WWC2: variants seen among roughly 807,000 people sequenced by gnomAD.
WWC2 encodes WW and C2 domain containing 2.
Under a neutral mutation model 138.5 loss-of-function variants are expected in WWC2, and 101 were observed. That is an observed-to-expected ratio of 0.73 (90% CI 0.62 to 0.86). The LOEUF is 0.86. Ranked by LOEUF, WWC2 falls within the 40% of genes least tolerant of loss-of-function variation. WWC2 has a pLI of 0.00. For missense variants in WWC2, 1,420 were observed against 1,419.4 expected, an observed-to-expected ratio of 1.00 and a Z score of -0.01; for synonymous variants, 558 against 538.4, an observed-to-expected ratio of 1.04 and a Z score of -0.50.
intron 22 of WWC2, among the ~76,000 whole-genome samples, chr4:183,313,540 G>A (rs1739335701): frequency 6.6e-6 from 1 of 152,096 alleles, no homozygotes; most frequent in Non-Finnish European, 1.5e-5. Context: ...CAGCAGGCTA[G>A]TGAGATAACC....
At chr4:183,187,425 G>A (rs1049710162) in intron 1 of WWC2, among the ~76,000 whole-genome samples, 6 of 151,434 alleles carry the variant, frequency 4.0e-5, no homozygotes, top group Admixed American at 2.0e-4. Context: ...ATGGTGGCAC[G>A]CACCTGTAGT....
chr4:183,319,344 T>C lies in WWC2; in HGVS notation c.*3615T>C, dbSNP rs1456168060. ...GAGAAAACTCATCCACAGTAATGGG[T>C]GTCATTACTATTCAGTCTTGATTGA... On this transcript the variant is annotated 3_prime_UTR_variant, in exon 23 of 23. Coordinates refer to ENST00000403733, the MANE Select transcript of WWC2 (RefSeq NM_024949.6). 1 of 539,938 alleles carries C rather than the reference T, an allele frequency of 1.9e-6. No individual in the cohort carries two copies. Among genetic ancestry groups the C allele is most frequent in the African/African-American group, 1.9e-5 (1 of 53,512 alleles). 33.4% of individuals were successfully genotyped at this position (539,938 alleles called of 1,614,324 possible). A position where few individuals can be genotyped will look rare whatever the true frequency, so the allele number is the denominator to read the frequency against.
At chr4:183,264,908 T>C in intron 11 of WWC2, 70 bp from the exon 12 acceptor site, 1 of 1,457,656 alleles carries the variant, frequency 6.9e-7, no homozygotes. Context: ...GACCAAACTA[T>C]GTATGTATTT....
chr4:183,196,906 G>T (rs1013915970), intron 2 of WWC2, among the ~76,000 whole-genome samples: 1 of 152,092 alleles, frequency 6.6e-6, no homozygotes, highest in African/African-American at 2.4e-5. Context: ...CAGAGGACCA[G>T]GTGCATAGGG....
chr4:183,176,722 C>T (rs1225014055), intron 1 of WWC2, among the ~76,000 whole-genome samples: 1 of 152,084 alleles, frequency 6.6e-6, no homozygotes. Context: ...CATGCCCAGC[C>T]CTTTTATTTT....
chr4:183,118,218 A>G (rs768299811), intron 1 of WWC2, among the ~76,000 whole-genome samples: 5 of 152,226 alleles, frequency 3.3e-5, no homozygotes, highest in Non-Finnish European at 7.3e-5. Context: ...ATTTGGATTC[A>G]GGGTAAAGAG....
chr4:183,305,714 A>G (rs1739003810), intron 21 of WWC2, among the ~76,000 whole-genome samples: 1 of 152,210 alleles, frequency 6.6e-6, no homozygotes, highest in African/African-American at 2.4e-5. Flanking sequence ...CAGACAAACA[A>G]AAATTAAGGA....
At chr4:183,212,313 A>G (rs556114576) in intron 4 of WWC2, among the ~76,000 whole-genome samples, 1 of 152,182 alleles carries the variant, frequency 6.6e-6, no homozygotes, top group Non-Finnish European at 1.5e-5. Context: ...ATTCTATGTC[A>G]CTGTACAATA....
intron 21 of WWC2, among the ~76,000 whole-genome samples, chr4:183,301,240 AATT>A (rs60620611): frequency 0.019 from 2,954 of 152,288 alleles, 83 homozygotes; most frequent in African/African-American, 0.068. Flanking sequence ...CCTAATGAAA[AATT>A]ATCCATTTAC....
intron 7 of WWC2, 84 bp from the exon 8 acceptor site, chr4:183,249,836 A>T: frequency 9.0e-7 from 1 of 1,114,174 alleles, no homozygotes; most frequent in Non-Finnish European, 1.3e-6. Flanking sequence ...CTTTTCAATT[A>T]CACATACTTC....
At chr4:183,167,802 A>G (rs1204030289) in intron 1 of WWC2, among the ~76,000 whole-genome samples, 1 of 151,824 alleles carries the variant, frequency 6.6e-6, no homozygotes, top group Non-Finnish European at 1.5e-5. Context: ...AATTTTGAGT[A>G]TCCTGAATGC....
At chr4:183,222,857 T>C (rs1347219552) in intron 4 of WWC2, among the ~76,000 whole-genome samples, 7 of 152,096 alleles carry the variant, frequency 4.6e-5, no homozygotes, top group Admixed American at 1.3e-4. Flanking sequence ...TCCCAGCTAC[T>C]CAGGAAGCTG....
chr4:183,239,812 C>T (rs558598455), intron 4 of WWC2, among the ~76,000 whole-genome samples: 22 of 152,154 alleles, frequency 1.4e-4, no homozygotes, highest in African/African-American at 4.6e-4. Context: ...ATCTGAGGAA[C>T]GGAGGGGTGG....
At chr4:183,153,827 T>G (rs1733716155) in intron 1 of WWC2, among the ~76,000 whole-genome samples, 1 of 151,592 alleles carries the variant, frequency 6.6e-6, no homozygotes, top group African/African-American at 2.4e-5. Flanking sequence ...GTATTTTTTA[T>G]AGAGATGGGG....
chr4:183,106,279 C>T (rs957848744), intron 1 of WWC2, among the ~76,000 whole-genome samples: 9 of 152,094 alleles, frequency 5.9e-5, no homozygotes, highest in Non-Finnish European at 1.0e-4. Context: ...CCACCACGCC[C>T]GGCTGAGGAA....
intron 1 of WWC2, among the ~76,000 whole-genome samples, chr4:183,181,355 G>T (rs1216992579): frequency 6.6e-6 from 1 of 152,156 alleles, no homozygotes; most frequent in East Asian, 1.9e-4. Context: ...AGTGCCACTT[G>T]TGATGCTGGA....
At chr4:183,128,196 G>A (rs375379252) in intron 1 of WWC2, among the ~76,000 whole-genome samples, 7 of 152,096 alleles carry the variant, frequency 4.6e-5, no homozygotes, top group East Asian at 1.9e-4. Context: ...AATATTAGCC[G>A]AGTGTGGTGG....
chr4:183,177,145 A>G (rs1734491967), intron 1 of WWC2, among the ~76,000 whole-genome samples: 1 of 152,200 alleles, frequency 6.6e-6, no homozygotes, highest in Admixed American at 6.5e-5. Flanking sequence ...AAAGAAATCA[A>G]CTGTATGCCA....
At chr4:183,290,690 A>G (rs1452319316) in intron 21 of WWC2, among the ~76,000 whole-genome samples, 1 of 152,240 alleles carries the variant, frequency 6.6e-6, no homozygotes, top group Non-Finnish European at 1.5e-5. Context: ...TAGCAAATAG[A>G]ATTTTCCACA....
Sources: gnomAD v4.1 joint callset for allele counts (sites outside exome capture counted in the v4.1 genomes callset) on GRCh38, gnomAD v4.1.1 for gene constraint, MANE v1.5 for transcripts, NCBI Gene and HGNC (gene_info 2026-07-23, HGNC 2026-07-21) for gene names.